Variants in KIR3DL3 observed in about 807,000 individuals in gnomAD.
The protein encoded by KIR3DL3 is killer cell immunoglobulin-like receptor 3DL3.
In KIR3DL3, 27 loss-of-function variants were observed where a neutral mutation model predicts 34.9. The observed-to-expected ratio is 0.77, with a 90% CI of 0.57 to 1.07. KIR3DL3 has a LOEUF of 1.07. Ranked by LOEUF, KIR3DL3 falls within the 50% of genes least tolerant of loss-of-function variation. The pLI is 0.00. For synonymous variants in KIR3DL3, 217 were observed against 200.2 expected (o/e 1.08, Z -0.71); for missense variants, 681 against 528.5 (o/e 1.29, Z -2.83).
intron 1 of KIR3DL3, 133 bp downstream of exon 1, chr19:54,724,663 GGTGGAGATATGGGCCTGGA>G (rs2067928841): frequency 5.0e-6 from 7 of 1,407,700 alleles, no homozygotes; most frequent in Middle Eastern, 2.2e-4. Flanking sequence ...ATGGGCCTGG[GGTGGAGATATGGGCCTGGA>G]GTGGAGATAT....
Position 54,729,561 on chromosome 19 carries a change from T to G in KIR3DL3, c.724T>G (p.Leu242Val), listed in dbSNP as rs1406604711. ...GGTTCAGGCAGGAGAGAATGTGACCTTGTCCTGCAGCTCCCGGAGCTTGTT... is the reference window on the plus strand; with the variant it reads ...GGTTCAGGCAGGAGAGAATGTGACCGTGTCCTGCAGCTCCCGGAGCTTGTT... ...PTVQAGENVTLSCSSRSLFDI... is the reference protein window; with the variant it reads ...PTVQAGENVTVSCSSRSLFDI... Residue 242 changes from leucine to valine, a missense_variant, in exon 5 of 8, where the codon TTG (leucine) becomes GTG (valine). Leu to Val is a conservative substitution (Grantham distance 32). Coordinates refer to ENST00000291860, the MANE Select transcript of KIR3DL3 (RefSeq NM_153443.5). 2.2e-4 allele frequency: 354 copies of G among 1,607,168 alleles called. 3 individuals are homozygous for G. The East Asian group carries it at 7.9e-3, about 36-fold the overall frequency.
At position 54,724,519 on chromosome 19, in the gene KIR3DL3, T is replaced by G; in HGVS notation, c.23T>G (p.Met8Arg). ...ACCATGTCGCTCATGGTCGTCAGCATGGCGTGTGTTGGTGAGTCCTGGAAG... is the reference window on the plus strand; with the variant it reads ...ACCATGTCGCTCATGGTCGTCAGCAGGGCGTGTGTTGGTGAGTCCTGGAAG... MSLMVVS[M>R]ACVGFFLLEG... is the part of the protein sequence containing the mutation. The change falls in exon 1 of 8, where the codon ATG (methionine) becomes AGG (arginine). Residue 8 changes from methionine to arginine, a missense_variant. By Grantham distance (91) the Met-to-Arg change is moderately conservative (BLOSUM62 -1). Transcript: ENST00000291860. The G allele has an allele frequency of 1.2e-6, 2 of 1,613,100 alleles. No homozygotes were observed. Among genetic ancestry groups the G allele is most frequent in the Non-Finnish European group, 1.7e-6 (2 of 1,179,952 alleles).
chr19:54,724,742 TAG>T (rs2067948582), intron 1 of KIR3DL3, among the ~76,000 whole-genome samples: 1 of 107,004 alleles, frequency 9.3e-6, no homozygotes, highest in Admixed American at 1.1e-4. Context: ...GGGCCTGGAG[TAG>T]AGATATGGGC....
intron 5 of KIR3DL3, among the ~76,000 whole-genome samples, chr19:54,733,975 G>A (rs2069129811): frequency 2.0e-5 from 3 of 151,978 alleles, no homozygotes; most frequent in South Asian, 2.1e-4. Flanking sequence ...AATAAACGAC[G>A]GAGAGGGCGG....
intron 3 of KIR3DL3, 71 bp downstream of exon 3, chr19:54,726,408 C>T: frequency 1.3e-6 from 2 of 1,545,242 alleles, no homozygotes; most frequent in Non-Finnish European, 1.7e-6. Context: ...TGGGGGCGTC[C>T]ATCAGGGTCC....
At chr19:54,734,234 G>A (rs1339045703) in intron 5 of KIR3DL3, among the ~76,000 whole-genome samples, 1 of 151,600 alleles carries the variant, frequency 6.6e-6, no homozygotes, top group Non-Finnish European at 1.5e-5. Context: ...TCCCAATCCA[G>A]TCTTCCCAGA....
Position 54,735,244 on chromosome 19 carries a change from T to A in KIR3DL3, c.950-9T>A, listed in dbSNP as rs760912387. On this transcript the variant is annotated splice_polypyrimidine_tract_variant and intron_variant, in intron 5 of 7. Coordinates refer to ENST00000291860, the MANE Select transcript of KIR3DL3 (RefSeq NM_153443.5). ...ATTAGCTTCTTATTGGTGTCTTGTCTTCCTCCAGGTAACTCCAGAAACCTG... is the reference window on the plus strand; with the variant it reads ...ATTAGCTTCTTATTGGTGTCTTGTCATCCTCCAGGTAACTCCAGAAACCTG... The A allele has an allele frequency of 6.7e-7, 1 of 1,489,300 alleles. No individual in the cohort carries two copies. Among genetic ancestry groups the A allele is most frequent in the Non-Finnish European group, 9.3e-7 (1 of 1,075,760 alleles). The allele number at this position is 1,489,300 out of a possible 1,614,324, so 92.3% of individuals were successfully genotyped here.
At position 54,726,222 on chromosome 19, in the gene KIR3DL3, T is replaced by C. The variant is rs1171094202; in HGVS notation, c.240T>C (p.Phe80=). 1 of 1,613,660 alleles carries C rather than the reference T, an allele frequency of 6.2e-7. No individual in the cohort carries two copies. Among genetic ancestry groups the C allele is most frequent in the African/African-American group, 1.3e-5 (1 of 74,770 alleles). Residue 80 remains phenylalanine (F), a synonymous_variant, in exon 3 of 8, where the codon TTT becomes TTC. Coordinates refer to ENST00000291860, the MANE Select transcript of KIR3DL3 (RefSeq NM_153443.5). The part of the protein sequence containing the change: ...ELYNRIFRNS[F]LMGPVTPAHA... ...ACAACAGAATATTCCGGAACAGCTT[T>C]CTCATGGGCCCTGTGACCCCAGCAC...
Position 54,736,486 on chromosome 19 carries a change from GGC to G in KIR3DL3, c.*391_*392del, listed in dbSNP as rs2069640329. The G allele has an allele frequency of 3.6e-6, 1 of 281,114 alleles. No homozygotes were observed. Among genetic ancestry groups the G allele is most frequent in the Non-Finnish European group, 6.4e-6 (1 of 155,166 alleles). The allele number at this position is 281,114 out of a possible 1,614,324, so 17.4% of individuals were successfully genotyped here. On this transcript the variant is annotated 3_prime_UTR_variant, in exon 8 of 8. Coordinates refer to ENST00000291860, the MANE Select transcript of KIR3DL3 (RefSeq NM_153443.5). ...AACTCACAATTCCAAACATATAAGA[GGC>G]TCCCTCTTAACACGGCACTTAGATA...
rs2068841496 is a variant in KIR3DL3 at position 54,731,945 on chromosome 19, C to T, written c.949+2159C>T. Among the ~76,000 whole-genome samples, 18 of 152,282 alleles carry T rather than the reference C, an allele frequency of 1.2e-4. No homozygotes were observed. In the South Asian group the frequency reaches 3.7e-3, roughly 32 times the overall value. On this transcript the variant is annotated intron_variant, in intron 5 of 7. Coordinates refer to ENST00000291860, the MANE Select transcript of KIR3DL3 (RefSeq NM_153443.5). ...TCCCTAAAATCATCCAGCGTACCCT[C>T]TTTTTAAGTTCAGCTGATTAGCAAC...
chr19:54,726,706 C>A (rs1374093744), intron 3 of KIR3DL3, among the ~76,000 whole-genome samples: 1 of 144,264 alleles, frequency 6.9e-6, no homozygotes, highest in Non-Finnish European at 1.5e-5. Flanking sequence ...AGAGCAACGT[C>A]GTGGGAGGGA....
At chr19:54,732,216 C>G (rs1348658601) in intron 5 of KIR3DL3, among the ~76,000 whole-genome samples, 2 of 151,360 alleles carry the variant, frequency 1.3e-5, no homozygotes, top group Non-Finnish European at 2.9e-5. Context: ...CATCTGTGCA[C>G]CAAATCTGGG....
At chr19:54,729,912 C>T (rs570352855) in intron 5 of KIR3DL3, 126 bp downstream of exon 5, 43,979 of 722,224 alleles carry the variant, frequency 0.061, 2,479 homozygotes, top group South Asian at 0.072. Flanking sequence ...GGTGTAAGGG[C>T]GGGGTCAGGG....
chr19:54,733,168 A>C (rs1303139258), intron 5 of KIR3DL3, among the ~76,000 whole-genome samples: 1 of 151,920 alleles, frequency 6.6e-6, no homozygotes, highest in Non-Finnish European at 1.5e-5. Flanking sequence ...TTTTTTCTAC[A>C]TCTAAATCAA....
intron 5 of KIR3DL3, among the ~76,000 whole-genome samples, chr19:54,732,800 C>A (rs2068964427): frequency 1.3e-5 from 2 of 152,166 alleles, no homozygotes; most frequent in African/African-American, 2.4e-5. Flanking sequence ...GACAAGACAA[C>A]TGTAGAGAGA....
chr19:54,726,388 G>T, intron 3 of KIR3DL3, 51 bp downstream of exon 3: 3 of 1,581,728 alleles, frequency 1.9e-6, no homozygotes, highest in South Asian at 2.3e-5. Flanking sequence ...CTGAATCCCA[G>T]AGCTTCTGGT....
intron 5 of KIR3DL3, among the ~76,000 whole-genome samples, chr19:54,734,749 T>C (rs4020725): frequency 8.2e-5 from 12 of 146,730 alleles, no homozygotes; most frequent in East Asian, 1.9e-4. Flanking sequence ...ATCTATTTCT[T>C]GTGACGGCCT....
At chr19:54,734,632 T>G (rs1014963125) in intron 5 of KIR3DL3, among the ~76,000 whole-genome samples, 1 of 147,288 alleles carries the variant, frequency 6.8e-6, no homozygotes, top group East Asian at 1.9e-4. Flanking sequence ...GCTGTCTTAG[T>G]CCATTTTTGT....
rs1195198227 is a variant in KIR3DL3, at chr19:54,726,232, C to A, written c.250C>A (p.Pro84Thr). The A allele has an allele frequency of 8.1e-6, 13 of 1,613,748 alleles. No homozygotes were observed. Among genetic ancestry groups the A allele is most frequent in the African/African-American group, 1.3e-5 (1 of 74,794 alleles). ...ATTCCGGAACAGCTTTCTCATGGGC[C>A]CTGTGACCCCAGCACATGCAGGGAC... is the stretch of plus-strand genomic sequence containing the variant. ...RIFRNSFLMG[P>T]VTPAHAGTYR... Residue 84 changes from proline (P) to threonine (T), a missense_variant, in exon 3 of 8, where the codon CCT becomes ACT. Physicochemically the swap from Pro to Thr is conservative, Grantham distance 38 (BLOSUM62 -1). Transcript: ENST00000291860.
Sources: gnomAD v4.1 joint callset for allele counts (sites outside exome capture counted in the v4.1 genomes callset) on GRCh38, gnomAD v4.1.1 for gene constraint, MANE v1.5 for transcripts, NCBI Gene and HGNC (gene_info 2026-07-23, HGNC 2026-07-21) for gene names.